GMIP: variants seen among roughly 807,000 people sequenced by gnomAD.
The protein encoded by GMIP is GEM-interacting protein.
Under a neutral mutation model 105.3 loss-of-function variants are expected in GMIP, and 54 were observed. The observed-to-expected ratio is 0.51, with a 90% CI of 0.41 to 0.64. The LOEUF is 0.64. Ranked by LOEUF, GMIP falls within the 30% of genes least tolerant of loss-of-function variation. The pLI is 0.00. For synonymous variants in GMIP, 541 were observed against 560.8 expected (o/e 0.96, Z 0.50); for missense variants, 1,110 against 1,319.4 (o/e 0.84, Z 2.46).
At chr19:19,631,211 A>G (rs563079394) in intron 19 of GMIP, among the ~76,000 whole-genome samples, 26 of 152,184 alleles carry the variant, frequency 1.7e-4, no homozygotes, top group African/African-American at 5.1e-4. Flanking sequence ...AAAAATAATA[A>G]TAAGTGTACT....
intron 19 of GMIP, 102 bp downstream of exon 19, chr19:19,633,701 G>A: frequency 3.5e-6 from 3 of 864,102 alleles, no homozygotes; most frequent in Non-Finnish European, 4.9e-6. Context: ...GGGAGGAAGA[G>A]AATGAAGGAA....
chr19:19,635,712 G>T lies in GMIP; in HGVS notation c.1337C>A (p.Thr446Lys). Residue 446 changes from threonine (T) to lysine (K), a missense_variant, in exon 14 of 21, where the codon ACG becomes AAG. This residue lies in a region of GMIP where 667 missense variants were observed against 773.2 expected (regional missense o/e 0.86). Transcript: ENST00000203556. The surrounding 1 kb of genome is among the most constrained non-coding windows in gnomAD (Gnocchi z 4.7). ...GGACGAAGCCTTCACCAGCTGCCTC[G>T]TGCCAGCGCCTGGGGTCAGAGGAAT... ...DSPTSSPGAG[T>K]RQLVKASSTG... 1 of 1,613,978 alleles carries T rather than the reference G, an allele frequency of 6.2e-7. No homozygotes were observed. Among genetic ancestry groups the T allele is most frequent in the Non-Finnish European group, 8.5e-7 (1 of 1,179,854 alleles).
rs2061787282 is a variant in GMIP, at chr19:19,630,753, G to C, written c.2473-216C>G. On this transcript the variant is annotated intron_variant, in intron 19 of 20. Transcript: ENST00000203556. The surrounding 1 kb of genome is among the most constrained non-coding windows in gnomAD (Gnocchi z 4.8). Reference sequence around the variant, plus strand: ...TGAGACCAAAGAGGAGTGGGCCCAGGTGGCTCTGCCAGCCACCCCTGACTT... The same window carrying C: ...TGAGACCAAAGAGGAGTGGGCCCAGCTGGCTCTGCCAGCCACCCCTGACTT... 6.6e-6 allele frequency among the ~76,000 whole-genome samples: 1 copy of C among 152,194 alleles called. No individual in the cohort carries two copies. Among genetic ancestry groups the C allele is most frequent in the African/African-American group, 2.4e-5 (1 of 41,440 alleles).
At chr19:19,640,775 T>G (rs1285529877) in intron 4 of GMIP, among the ~76,000 whole-genome samples, 1 of 152,116 alleles carries the variant, frequency 6.6e-6, no homozygotes, top group Non-Finnish European at 1.5e-5. Flanking sequence ...ATTTATTTAT[T>G]TATTTTTGAG....
At chr19:19,640,668 G>A (rs1156769561) in intron 4 of GMIP, 97 bp from the exon 5 acceptor site, 1 of 1,200,504 alleles carries the variant, frequency 8.3e-7, no homozygotes, top group African/African-American at 1.5e-5. Context: ...CTGTCCTACA[G>A]CCTCACAGCT....
chr19:19,639,005 G>A (rs1200795643), intron 7 of GMIP, among the ~76,000 whole-genome samples: 1 of 151,626 alleles, frequency 6.6e-6, no homozygotes, highest in Admixed American at 6.6e-5. Flanking sequence ...ACTTGAACCC[G>A]GGAGGCAGAG....
chr19:19,640,081 T>A lies in GMIP; in HGVS notation c.537+4A>T, dbSNP rs1176797799. The A allele has an allele frequency of 7.1e-6, 11 of 1,556,910 alleles. No homozygotes were observed. Among genetic ancestry groups the A allele is most frequent in the Non-Finnish European group, 8.9e-6 (10 of 1,128,042 alleles). On this transcript the variant is annotated splice_donor_region_variant and intron_variant, in intron 7 of 20. Transcript: ENST00000203556. ...TCTGTAACATTCCACCCTGCCCCCC[T>A]CACCTGGTAGTAGTCTCTTTTCTGC...
chr19:19,637,082 A>C lies in GMIP; in HGVS notation c.1125-53T>G, dbSNP rs576345094. ...AATCCCAGGAAACTGGCCTGGGGTG[A>C]TGGCACCCAGGCATCATGTCTAGGT... On this transcript the variant is annotated intron_variant, in intron 11 of 20. Coordinates refer to ENST00000203556, the MANE Select transcript of GMIP (RefSeq NM_016573.4). The surrounding 1 kb of genome is among the most constrained non-coding windows in gnomAD (Gnocchi z 6.7). 1.7e-6 allele frequency: 2 copies of C among 1,200,034 alleles called. No individual in the cohort carries two copies. Among genetic ancestry groups the C allele is most frequent in the East Asian group, 5.1e-5 (2 of 39,300 alleles). The allele number at this position is 1,200,034 out of a possible 1,614,324, so 74.3% of individuals were successfully genotyped here. A position where few individuals can be genotyped will look rare whatever the true frequency, so the allele number is the denominator to read the frequency against.
chr19:19,630,498 C>T lies in GMIP; in HGVS notation c.2512G>A (p.Glu838Lys). 1 of 1,614,106 alleles carries T rather than the reference C, an allele frequency of 6.2e-7. No homozygotes were observed. ...PQSDQREDVA[E>K]DTKDGGGEVS... ...TCCCCTCCCCCATCTTTGGTGTCTTCAGCCACGTCCTCTCTCTGGTCACTC... is the reference window on the plus strand; with the variant it reads ...TCCCCTCCCCCATCTTTGGTGTCTTTAGCCACGTCCTCTCTCTGGTCACTC... The change falls in exon 20 of 21, where the codon GAA becomes AAA. Residue 838 changes from glutamate to lysine, a missense_variant. Physicochemically the swap from Glu to Lys is moderately conservative, Grantham distance 56. Transcript: ENST00000203556. The surrounding 1 kb of genome is among the most constrained non-coding windows in gnomAD (Gnocchi z 4.8).
At chr19:19,638,958 T>C (rs190936044) in intron 7 of GMIP, among the ~76,000 whole-genome samples, 1 of 151,954 alleles carries the variant, frequency 6.6e-6, no homozygotes, top group East Asian at 1.9e-4. Flanking sequence ...CACACTCCTA[T>C]AGTCCCACCT....
In GMIP at chr19:19,633,795, G is replaced by T. The variant is rs1238090470; in HGVS notation, c.2472+8C>A. On this transcript the variant is annotated splice_region_variant and intron_variant, in intron 19 of 20. Coordinates refer to ENST00000203556, the MANE Select transcript of GMIP (RefSeq NM_016573.4). ...CTCTCCATAGCTGTGGGCCCAGTGG[G>T]TTCTTACCTCGGTAGGTGTGGCCGT... is the stretch of plus-strand genomic sequence containing the variant. 2 of 1,454,678 alleles carry T rather than the reference G, an allele frequency of 1.4e-6. No homozygotes were observed. Among genetic ancestry groups the T allele is most frequent in the Non-Finnish European group, 1.8e-6 (2 of 1,101,004 alleles). 90.1% of individuals were successfully genotyped at this position (1,454,678 alleles called of 1,614,324 possible). A position where few individuals can be genotyped will look rare whatever the true frequency, so the allele number is the denominator to read the frequency against.
rs758097155 is a variant in GMIP, at chr19:19,643,512, C to T, written c.18G>A (p.Pro6=). 9.0e-6 allele frequency: 14 copies of T among 1,548,116 alleles called. No individual in the cohort carries two copies. The highest frequency in any genetic ancestry group is 6.9e-5 in the African/African-American group (5 of 72,826). The change falls in exon 1 of 21, where the codon CCG becomes CCA. Residue 6 remains proline, a splice_region_variant and synonymous_variant. Coordinates refer to ENST00000203556, the MANE Select transcript of GMIP (RefSeq NM_016573.4). Reference sequence around the variant, plus strand: ...CCTCCCGGATCCCCGACCCCCTACCCGGCTCTGCTGCGTCCATATCTGGGC... The same window carrying T: ...CCTCCCGGATCCCCGACCCCCTACCTGGCTCTGCTGCGTCCATATCTGGGC... MDAAE[P]GLPPGPEGRK... is the part of the protein sequence containing the mutation.
At chr19:19,638,361 CCT>C (rs749561874) in intron 8 of GMIP, 32 bp from the exon 9 acceptor site, 8 of 1,613,716 alleles carry the variant, frequency 5.0e-6, no homozygotes, top group East Asian at 2.2e-5. Flanking sequence ...AGCGTCCCGG[CCT>C]CTCTCTCACC....
chr19:19,636,177 C>T (rs2061852083), intron 13 of GMIP, among the ~76,000 whole-genome samples: 1 of 146,448 alleles, frequency 6.8e-6, no homozygotes, highest in Non-Finnish European at 1.5e-5. Context: ...GCGCTCCAGC[C>T]TGGGCAACAG....
rs2061864434 is a variant in GMIP at position 19,637,237 on chromosome 19, G to A, written c.1124+128C>T. 2.8e-6 allele frequency: 2 copies of A among 721,048 alleles called. No individual in the cohort carries two copies. The highest frequency in any genetic ancestry group is 1.9e-5 in the South Asian group (1 of 52,798). The allele number at this position is 721,048 out of a possible 1,614,324, so 44.7% of individuals were successfully genotyped here. ...ACCCATTCACCCTCCTATGGCCCCCGAGAGCCTGGAGTACTAAATTCCACT... is the reference window on the plus strand; with the variant it reads ...ACCCATTCACCCTCCTATGGCCCCCAAGAGCCTGGAGTACTAAATTCCACT... On this transcript the variant is annotated intron_variant, in intron 11 of 20. Transcript: ENST00000203556. The surrounding 1 kb of genome is among the most constrained non-coding windows in gnomAD (Gnocchi z 6.7).
intron 4 of GMIP, 98 bp from the exon 5 acceptor site, chr19:19,640,669 C>T: frequency 8.5e-7 from 1 of 1,174,616 alleles, no homozygotes; most frequent in Middle Eastern, 2.9e-4. Flanking sequence ...TGTCCTACAG[C>T]CTCACAGCTC....
intron 7 of GMIP, 72 bp from the exon 8 acceptor site, chr19:19,638,554 C>T (rs2061883965): frequency 7.9e-7 from 1 of 1,260,924 alleles, no homozygotes; most frequent in East Asian, 2.4e-5. Flanking sequence ...CCAGTCCTTC[C>T]ATTCCTGCGC....
chr19:19,640,701 A>G, intron 4 of GMIP, 130 bp from the exon 5 acceptor site: 1 of 715,916 alleles, frequency 1.4e-6, no homozygotes, highest in Non-Finnish European at 2.2e-6. Flanking sequence ...CTTTGGGATC[A>G]CTTGTCCTGG....
At position 19,629,849 on chromosome 19, in the gene GMIP, T is replaced by C. The variant is rs1004114941; in HGVS notation, c.*114A>G. The C allele has an allele frequency of 6.7e-6, 7 of 1,046,658 alleles. No homozygotes were observed. The highest frequency in any genetic ancestry group is 9.6e-6 in the Non-Finnish European group (7 of 731,920). 64.8% of individuals were successfully genotyped at this position (1,046,658 alleles called of 1,614,324 possible). ...TTTCCTTATAGGAACCCTCTGGACCTCTCCCAGCATTGAACTCCTGGCGGG... is the reference window on the plus strand; with the variant it reads ...TTTCCTTATAGGAACCCTCTGGACCCCTCCCAGCATTGAACTCCTGGCGGG... On this transcript the variant is annotated 3_prime_UTR_variant, in exon 21 of 21. Transcript: ENST00000203556.
Sources: gnomAD v4.1 joint callset for allele counts (sites outside exome capture counted in the v4.1 genomes callset) on GRCh38, gnomAD v4.1.1 for gene constraint, gnomAD v4.1.1 regional missense constraint, Gnocchi (gnomAD v3.1) non-coding constraint, MANE v1.5 for transcripts, NCBI Gene and HGNC (gene_info 2026-07-23, HGNC 2026-07-21) for gene names.